The following PHF20 variants were observed in gnomAD, a reference collection of about 807,000 sequenced individuals.
The protein encoded by PHF20 is PHD finger protein 20, also known as glioma-expressed antigen 2.
A neutral mutation model predicts 113.5 loss-of-function variants in PHF20; 23 were observed. The observed-to-expected ratio is 0.20, with a 90% CI of 0.15 to 0.29. The LOEUF (loss-of-function observed/expected upper bound fraction) is 0.29, where lower values mean the gene tolerates loss of function less well. PHF20 is among the 10% of genes least tolerant of loss of function. The pLI, the probability that PHF20 is intolerant of heterozygous loss-of-function variation, is 1.00. For missense variants in PHF20, 943 were observed against 1,219.6 expected (o/e 0.77, Z 3.38); for synonymous variants, 434 against 457.3 (o/e 0.95, Z 0.65).
chr20:35,839,390 CAAAAA>C (rs752680212), intron 2 of PHF20, among the ~76,000 whole-genome samples: 3 of 67,926 alleles, frequency 4.4e-5, no homozygotes, highest in Admixed American at 1.5e-4. Context: ...GATTCCATCT[CAAAAA>C]AAAAAAAAAA....
chr20:35,798,496 C>G (rs1246396071), intron 1 of PHF20, among the ~76,000 whole-genome samples: 1 of 151,576 alleles, frequency 6.6e-6, no homozygotes, highest in Non-Finnish European at 1.5e-5. Flanking sequence ...CTCTTGTTGC[C>G]CAGGCTAGAA....
At chr20:35,933,572 T>C (rs1036960460) in intron 15 of PHF20, among the ~76,000 whole-genome samples, 13 of 152,134 alleles carry the variant, frequency 8.5e-5, no homozygotes, top group African/African-American at 2.2e-4. Flanking sequence ...AATTTTTTTG[T>C]ATTTTTAGTA....
At chr20:35,881,550 A>G (rs1568699773) in intron 9 of PHF20, among the ~76,000 whole-genome samples, 4 of 151,644 alleles carry the variant, frequency 2.6e-5, no homozygotes, top group Non-Finnish European at 4.4e-5. Flanking sequence ...AAAAAAAAAA[A>G]AAAAAAGAAA....
intron 8 of PHF20, among the ~76,000 whole-genome samples, chr20:35,871,358 G>A (rs17093190): frequency 0.049 from 7,391 of 152,236 alleles, 231 homozygotes; most frequent in African/African-American, 0.099. Context: ...CTACCGTTCA[G>A]TGTTGGCCTG....
In PHF20 at chr20:35,868,612, A is replaced by ACAAGCAAG. The variant is rs61053948; in HGVS notation, c.809-806_809-799dup. Among the ~76,000 whole-genome samples, 658 of 151,328 alleles carry ACAAGCAAG rather than the reference A, an allele frequency of 4.3e-3. 3 individuals carry two copies. Among genetic ancestry groups the ACAAGCAAG allele is most frequent in the African/African-American group, 0.013 (535 of 41,116 alleles). ...CAGACCCAGACTTCATCTCAAAAAA[A>ACAAGCAAG]CAAGCAAGCAAGCAAGCAAGCAAGC... On this transcript the variant is annotated intron_variant, in intron 6 of 17. Transcript: ENST00000374012.
chr20:35,869,528 G>T lies in PHF20; in HGVS notation c.899G>T (p.Arg300Leu). Reference protein sequence around the residue: ...ISKGCEVPLKRPRLDKNSSQE... With the variant: ...ISKGCEVPLKLPRLDKNSSQE... The stretch of plus-strand genomic sequence containing the variant: ...AAAGGATGTGAAGTCCCATTAAAAC[G>T]TCCTCGGCTTGACAAAAATTCATGT... The change falls in exon 7 of 18, where the codon CGT (arginine) becomes CTT (leucine). Residue 300 changes from arginine to leucine, a missense_variant. Arg to Leu is a moderately radical substitution (Grantham distance 102, BLOSUM62 -2). Coordinates refer to ENST00000374012, the MANE Select transcript of PHF20 (RefSeq NM_016436.5). 1 of 1,602,962 alleles carries T rather than the reference G, an allele frequency of 6.2e-7. No homozygotes were observed. The highest frequency in any genetic ancestry group is 1.1e-5 in the South Asian group (1 of 90,234).
In PHF20 at chr20:35,779,277, C is replaced by T. The variant is rs540890714; in HGVS notation, c.-33+7198C>T. Reference sequence around the variant, plus strand: ...GTCTCGAACTCCTGACCTCATGATCCGCCTGCCAGGGCCTCCCAAAGTGCT... The same window carrying T: ...GTCTCGAACTCCTGACCTCATGATCTGCCTGCCAGGGCCTCCCAAAGTGCT... On this transcript the variant is annotated intron_variant, in intron 1 of 17. Coordinates refer to ENST00000374012, the MANE Select transcript of PHF20 (RefSeq NM_016436.5). 3.3e-5 allele frequency among the ~76,000 whole-genome samples: 5 copies of T among 151,944 alleles called. No homozygotes were observed. The East Asian group carries it at 5.8e-4, about 18-fold the overall frequency.
intron 10 of PHF20, among the ~76,000 whole-genome samples, chr20:35,910,870 C>T (rs1167497293): frequency 3.9e-5 from 6 of 152,178 alleles, no homozygotes; most frequent in Non-Finnish European, 8.8e-5. Flanking sequence ...CCCAGCTGAT[C>T]TGCCTACCTT....
chr20:35,846,567 G>A (rs1394649299), intron 3 of PHF20, among the ~76,000 whole-genome samples: 1 of 152,194 alleles, frequency 6.6e-6, no homozygotes, highest in Non-Finnish European at 1.5e-5. Flanking sequence ...TAGAAGTGTA[G>A]ATGGCATTAA....
In PHF20 at chr20:35,801,407, C is replaced by T. The variant is rs1476046415; in HGVS notation, c.-32-84C>T. On this transcript the variant is annotated intron_variant, in intron 1 of 17. Coordinates refer to ENST00000374012, the MANE Select transcript of PHF20 (RefSeq NM_016436.5). The stretch of plus-strand genomic sequence containing the variant: ...ATGGAGCTTTGTGTTTTGAATAATG[C>T]CTGTTTTTTTATGTGTAGTGAATGA... 4 of 649,382 alleles carry T rather than the reference C, an allele frequency of 6.2e-6. No homozygotes were observed. The African/African-American group carries it at 7.4e-5, about 12-fold the overall frequency. The allele number at this position is 649,382 out of a possible 1,614,324, so 40.2% of individuals were successfully genotyped here.
At chr20:35,917,888 C>G (rs999079023) in intron 13 of PHF20, among the ~76,000 whole-genome samples, 21 of 152,076 alleles carry the variant, frequency 1.4e-4, no homozygotes, top group African/African-American at 5.1e-4. Flanking sequence ...GAGTCTAAAC[C>G]TCTCATGCTC....
intron 2 of PHF20, among the ~76,000 whole-genome samples, chr20:35,812,065 G>T (rs942112114): frequency 6.6e-6 from 1 of 151,946 alleles, no homozygotes; most frequent in East Asian, 1.9e-4. Context: ...GAGCCACAGC[G>T]CCCGGCCCCT....
chr20:35,814,803 G>A (rs1455006343), intron 2 of PHF20, among the ~76,000 whole-genome samples: 3 of 145,408 alleles, frequency 2.1e-5, no homozygotes, highest in African/African-American at 7.5e-5. Context: ...AACCCGGGAG[G>A]CGGAGCTTGC....
intron 1 of PHF20, among the ~76,000 whole-genome samples, chr20:35,787,377 C>T (rs1394576193): frequency 4.0e-5 from 6 of 151,134 alleles, no homozygotes; most frequent in Admixed American, 1.3e-4. Flanking sequence ...CGAGGTTTCA[C>T]CATGTTGGTC....
intron 1 of PHF20, among the ~76,000 whole-genome samples, chr20:35,789,404 C>T (rs1257134557): frequency 6.8e-6 from 1 of 147,618 alleles, no homozygotes; most frequent in Non-Finnish European, 1.5e-5. Context: ...GCACTCCAGC[C>T]TGGGTGACAG....
intron 14 of PHF20, among the ~76,000 whole-genome samples, chr20:35,930,009 C>T (rs1250830103): frequency 6.6e-6 from 1 of 152,230 alleles, no homozygotes; most frequent in Non-Finnish European, 1.5e-5. Context: ...TGGTAGAAAG[C>T]TTTTCCCTGG....
At chr20:35,801,445 G>C in intron 1 of PHF20, 46 bp from the exon 2 acceptor site, 1 of 948,670 alleles carries the variant, frequency 1.1e-6, no homozygotes, top group Middle Eastern at 2.1e-4. Context: ...CTACACTCTG[G>C]GTGGACTTTG....
chr20:35,893,510 G>T (rs1053355040), intron 9 of PHF20, among the ~76,000 whole-genome samples: 1 of 151,976 alleles, frequency 6.6e-6, no homozygotes, highest in African/African-American at 2.4e-5. Context: ...TGCCATGTTG[G>T]CCAGGCTTGT....
intron 2 of PHF20, among the ~76,000 whole-genome samples, chr20:35,828,712 CCTCT>C (rs983682605): frequency 6.6e-6 from 1 of 152,106 alleles, no homozygotes; most frequent in African/African-American, 2.4e-5. Flanking sequence ...GTCTTACAGC[CCTCT>C]CTCTCCCTTG....
Sources: gnomAD v4.1 joint callset for allele counts (sites outside exome capture counted in the v4.1 genomes callset) on GRCh38, gnomAD v4.1.1 for gene constraint, MANE v1.5 for transcripts, NCBI Gene and HGNC (gene_info 2026-07-23, HGNC 2026-07-21) for gene names.